Variants in FAM78B observed in about 807,000 individuals in gnomAD.
FAM78B encodes protein FAM78B.
In FAM78B, 10 loss-of-function variants were observed where a neutral mutation model predicts 20.0. That is an observed-to-expected ratio of 0.50 (90% CI 0.31 to 0.85). FAM78B has a LOEUF of 0.85. Among genes scored for constraint, FAM78B ranks in the 40% least tolerant of loss-of-function variants. FAM78B has a pLI of 0.05. For synonymous variants in FAM78B, 135 were observed against 132.8 expected, an observed-to-expected ratio of 1.02 and a Z score of -0.12; for missense variants, 283 against 345.0, an observed-to-expected ratio of 0.82 and a Z score of 1.42.
At chr1:166,152,353 G>T (rs1655707823) in intron 1 of FAM78B, among the ~76,000 whole-genome samples, 1 of 152,206 alleles carries the variant, frequency 6.6e-6, no homozygotes, top group Non-Finnish European at 1.5e-5. Context: ...AGGACCAAAG[G>T]TCAAGAATTT....
chr1:166,142,401 C>T (rs1388558658), intron 1 of FAM78B, among the ~76,000 whole-genome samples: 2 of 152,198 alleles, frequency 1.3e-5, no homozygotes, highest in East Asian at 3.9e-4. Context: ...CACGGGGCAG[C>T]AGCAGAAGCC....
At chr1:166,099,555 A>C (rs1039820951) in intron 1 of FAM78B, among the ~76,000 whole-genome samples, 1 of 152,196 alleles carries the variant, frequency 6.6e-6, no homozygotes, top group African/African-American at 2.4e-5. Context: ...ACTCATATAA[A>C]GTTAAATTAA....
intron 1 of FAM78B, among the ~76,000 whole-genome samples, chr1:166,154,027 G>A (rs973990067): frequency 6.6e-6 from 1 of 152,140 alleles, no homozygotes; most frequent in Admixed American, 6.5e-5. Flanking sequence ...CCAACTAAAA[G>A]CCACAACAGA....
At chr1:166,113,788 G>A (rs1480574585) in intron 1 of FAM78B, among the ~76,000 whole-genome samples, 1 of 152,230 alleles carries the variant, frequency 6.6e-6, no homozygotes, top group Admixed American at 6.5e-5. Flanking sequence ...AACAGGCATA[G>A]GAGATGGGCC....
chr1:166,140,751 TG>T (rs1207702264), intron 1 of FAM78B, among the ~76,000 whole-genome samples: 1 of 152,208 alleles, frequency 6.6e-6, no homozygotes, highest in Non-Finnish European at 1.5e-5. Flanking sequence ...AAGCCTTTTT[TG>T]GGGGTATGAT....
chr1:166,083,321 G>A (rs1212416074), intron 1 of FAM78B, among the ~76,000 whole-genome samples: 1 of 152,026 alleles, frequency 6.6e-6, no homozygotes. Context: ...TACATAGAAT[G>A]AATATGAAGC....
At chr1:166,077,286 G>A (rs775121259) in intron 1 of FAM78B, among the ~76,000 whole-genome samples, 17 of 152,106 alleles carry the variant, frequency 1.1e-4, no homozygotes, top group Non-Finnish European at 2.2e-4. Flanking sequence ...TGTAAACCTA[G>A]TGCTACTACT....
At chr1:166,160,988 A>T (rs1010268077) in intron 1 of FAM78B, among the ~76,000 whole-genome samples, 22 of 152,334 alleles carry the variant, frequency 1.4e-4, no homozygotes, top group African/African-American at 5.0e-4. Context: ...TGAGACCGGA[A>T]TGAGGGGCAG....
At chr1:166,154,362 C>T (rs1655811066) in intron 1 of FAM78B, among the ~76,000 whole-genome samples, 1 of 152,204 alleles carries the variant, frequency 6.6e-6, no homozygotes, top group South Asian at 2.1e-4. Context: ...ATACTTTCCC[C>T]TTCCCTTGGG....
In FAM78B at chr1:166,106,523, C is replaced by T. The variant is rs141068144; in HGVS notation, c.264-35760G>A. Among the ~76,000 whole-genome samples, 320 of 152,136 alleles carry T rather than the reference C, an allele frequency of 2.1e-3. 1 individual carries two copies. The highest frequency in any genetic ancestry group is 7.5e-3 in the African/African-American group (311 of 41,482). ...CAAAAGAATGAAATCATGTCCATTG[C>T]AGCAACACAGATGCAGCTGGAGGTC... On this transcript the variant is annotated intron_variant, in intron 1 of 1. Transcript: ENST00000354422.
intron 1 of FAM78B, among the ~76,000 whole-genome samples, chr1:166,086,419 G>A (rs1030613006): frequency 6.6e-6 from 1 of 152,148 alleles, no homozygotes; most frequent in Non-Finnish European, 1.5e-5. Flanking sequence ...GCTGGGCAGG[G>A]TAAGGGTGGG....
chr1:166,132,305 C>T (rs1005483328), intron 1 of FAM78B, among the ~76,000 whole-genome samples: 2 of 152,182 alleles, frequency 1.3e-5, no homozygotes, highest in South Asian at 2.1e-4. Context: ...CCCTAACCCT[C>T]GCGGTGTGAA....
At chr1:166,096,002 T>C (rs1035861351) in intron 1 of FAM78B, among the ~76,000 whole-genome samples, 1 of 152,144 alleles carries the variant, frequency 6.6e-6, no homozygotes, top group African/African-American at 2.4e-5. Context: ...CTCACAGGAA[T>C]GCTCAATGCC....
At chr1:166,120,735 A>G (rs1377728404) in intron 1 of FAM78B, among the ~76,000 whole-genome samples, 1 of 148,144 alleles carries the variant, frequency 6.8e-6, no homozygotes, top group Admixed American at 6.7e-5. Flanking sequence ...AGGAGGAGCT[A>G]AGGGCTGTCC....
chr1:166,109,912 A>G lies in FAM78B; in HGVS notation c.264-39149T>C, dbSNP rs1286292979. Among the ~76,000 whole-genome samples the G allele has an allele frequency of 2.4e-4, 27 of 113,848 alleles. 3 individuals are homozygous for G. In the East Asian group the frequency reaches 6.5e-3, roughly 27 times the overall value. The allele number at this position is 113,848 out of a possible 152,430, so 74.7% of individuals were successfully genotyped here. A position where few individuals can be genotyped will look rare whatever the true frequency, so the allele number is the denominator to read the frequency against. ...TATGTATATATATATATATATATAT[A>G]TATATATAATGGAATACTATGCAGA... On this transcript the variant is annotated intron_variant, in intron 1 of 1. Coordinates refer to ENST00000354422, the MANE Select transcript of FAM78B (RefSeq NM_001017961.5).
At chr1:166,078,927 GTTTTTT>G (rs11345450) in intron 1 of FAM78B, among the ~76,000 whole-genome samples, 2 of 135,354 alleles carry the variant, frequency 1.5e-5, no homozygotes, top group Non-Finnish European at 3.1e-5. Context: ...GGCCTTACAT[GTTTTTT>G]TTTTTTTTTT....
chr1:166,159,709 C>G (rs982694466), intron 1 of FAM78B, among the ~76,000 whole-genome samples: 1 of 152,202 alleles, frequency 6.6e-6, no homozygotes, highest in Non-Finnish European at 1.5e-5. Context: ...ATATCCCAGG[C>G]TACACAAGCC....
At chr1:166,152,691 T>TTGATTG (rs1557919350) in intron 1 of FAM78B, among the ~76,000 whole-genome samples, 4 of 148,154 alleles carry the variant, frequency 2.7e-5, no homozygotes, top group African/African-American at 1.0e-4. Context: ...TTTATTTATT[T>TTGATTG]ATTTATTGAT....
chr1:166,092,909 T>C (rs1653135773), intron 1 of FAM78B, among the ~76,000 whole-genome samples: 1 of 152,296 alleles, frequency 6.6e-6, no homozygotes, highest in South Asian at 2.1e-4. Context: ...GATATGATCA[T>C]CATCAGACAA....
Sources: allele counts gnomAD v4.1 joint callset (sites outside exome capture counted in the v4.1 genomes callset), GRCh38; gene constraint gnomAD v4.1.1; transcripts MANE v1.5; gene names NCBI Gene and HGNC (gene_info 2026-07-23, HGNC 2026-07-21).